DPH6: variants seen among roughly 807,000 people sequenced by gnomAD.
DPH6 encodes the protein diphthamine biosynthesis 6.
In DPH6, 33 loss-of-function variants were observed where a neutral mutation model predicts 38.2. That is an observed-to-expected ratio of 0.86 (90% CI 0.65 to 1.15). The LOEUF (loss-of-function observed/expected upper bound fraction) is 1.15, where lower values mean the gene tolerates loss of function less well. DPH6 is among the 50% of genes most tolerant of loss of function. The pLI is 0.00. For synonymous variants in DPH6, 108 were observed against 103.0 expected (o/e 1.05, Z -0.30); for missense variants, 325 against 320.0 (o/e 1.02, Z -0.12).
chr15:35,222,872 C>A (rs1338737498), intron 3 of DPH6, among the ~76,000 whole-genome samples: 1 of 152,008 alleles, frequency 6.6e-6, no homozygotes, highest in African/African-American at 2.4e-5. Flanking sequence ...TCCTTGTGGG[C>A]AAATTGTGAG....
chr15:35,409,066 A>G (rs11073093), intron 6 of DPH6, among the ~76,000 whole-genome samples: 148,607 of 151,932 alleles, frequency 0.98, 72,763 homozygotes, highest in East Asian at 1. Context: ...CTCTGAGAAG[A>G]CAGGTGTGAA....
chr15:35,204,838 C>T, the DPH6 span, among the ~76,000 whole-genome samples: 16 of 151,872 alleles, frequency 1.1e-4, no homozygotes, highest in Non-Finnish European at 1.6e-4. Flanking sequence ...GAGTTGCCTG[C>T]GAGGAAGTTT....
intron 3 of DPH6, among the ~76,000 whole-genome samples, chr15:35,536,030 T>C (rs1225901894): frequency 6.6e-6 from 1 of 152,086 alleles, no homozygotes; most frequent in East Asian, 1.9e-4. Context: ...TAAATGTTTA[T>C]AGTGAAAATA....
rs1595522754 is a variant in DPH6, at chr15:35,389,638, GT to G, written c.568-7723del. On this transcript the variant is annotated intron_variant, in intron 6 of 8. Coordinates refer to ENST00000256538, the MANE Select transcript of DPH6 (RefSeq NM_080650.4). The stretch of plus-strand genomic sequence containing the variant: ...TTCGATCTTTGTTGGTTTAAAGTCT[GT>G]TTTATCAGAGACTAGGATTGCAATC... Among the ~76,000 whole-genome samples the G allele has an allele frequency of 3.3e-5, 5 of 152,298 alleles. No homozygotes were observed. The East Asian group carries it at 9.6e-4, about 29-fold the overall frequency.
chr15:35,338,341 A>C (rs1254729507), intron 3 of DPH6, among the ~76,000 whole-genome samples: 5 of 152,208 alleles, frequency 3.3e-5, no homozygotes, highest in Admixed American at 3.3e-4. Flanking sequence ...ACAAGAAAAA[A>C]ACAAACAACC....
chr15:35,337,113 A>G (rs1430115317), intron 3 of DPH6, among the ~76,000 whole-genome samples: 2 of 152,132 alleles, frequency 1.3e-5, no homozygotes, highest in Non-Finnish European at 2.9e-5. Context: ...GATTAATGCC[A>G]CAATTTCAGA....
intron 8 of DPH6, among the ~76,000 whole-genome samples, chr15:35,372,979 C>T (rs1439236842): frequency 6.6e-6 from 1 of 151,990 alleles, no homozygotes; most frequent in Non-Finnish European, 1.5e-5. Context: ...TAATCCAGAA[C>T]TTTATTCCAC....
Position 35,393,760 on chromosome 15 carries a change from T to C in DPH6, c.568-11844A>G, listed in dbSNP as rs566319763. On this transcript the variant is annotated intron_variant, in intron 6 of 8. Transcript: ENST00000256538. ...CCTGCTTCTGCTGTTTTCTCGAATG[T>C]CAAGGTGGCATAGTTTGGGGTAGTG... 4.6e-5 allele frequency among the ~76,000 whole-genome samples: 7 copies of C among 152,286 alleles called. No individual in the cohort carries two copies. In the East Asian group the frequency reaches 1.4e-3, roughly 29 times the overall value.
intron 2 of DPH6, 120 bp downstream of exon 2, chr15:35,542,292 TG>T (rs2055264058): frequency 2.6e-6 from 2 of 757,440 alleles, no homozygotes; most frequent in Admixed American, 2.4e-5. Context: ...TAGCATCTAA[TG>T]GGTGCTTAAT....
chr15:35,290,330 A>G lies in DPH6; in HGVS notation n.201-69748T>C, dbSNP rs1425580106. ...AGAGGAATATGACGATGTGAACATC[A>G]TTTCTGCAAAGGCACTGGGCACACC... On this transcript the variant is annotated intron_variant and non_coding_transcript_variant, in intron 3 of 3. Transcript: ENST00000560386. Among the ~76,000 whole-genome samples, 4 of 152,202 alleles carry G rather than the reference A, an allele frequency of 2.6e-5. No homozygotes were observed. In the East Asian group the frequency reaches 7.7e-4, roughly 29 times the overall value.
chr15:35,401,290 G>C lies in DPH6; in HGVS notation c.567+9545C>G. 3.4e-6 allele frequency: 3 copies of C among 883,414 alleles called. No homozygotes were observed. In the Admixed American group the frequency reaches 5.1e-5, roughly 15 times the overall value. 54.7% of individuals were successfully genotyped at this position (883,414 alleles called of 1,614,324 possible). A position where few individuals can be genotyped will look rare whatever the true frequency, so the allele number is the denominator to read the frequency against. On this transcript the variant is annotated intron_variant, in intron 6 of 8. Coordinates refer to ENST00000256538, the MANE Select transcript of DPH6 (RefSeq NM_080650.4). ...TTGTGGAGACAGTTTCGGTGGGAAT[G>C]ACAACTTTGGTAGTGGAGGAAACTT... is the stretch of plus-strand genomic sequence containing the variant.
intron 3 of DPH6, among the ~76,000 whole-genome samples, chr15:35,458,263 C>G (rs997959517): frequency 2.0e-5 from 3 of 152,062 alleles, no homozygotes; most frequent in African/African-American, 7.2e-5. Context: ...CTAACTCTTT[C>G]ATTTTGATGG....
chr15:35,375,142 C>A (rs2052763431), intron 7 of DPH6, among the ~76,000 whole-genome samples: 1 of 151,960 alleles, frequency 6.6e-6, no homozygotes. Flanking sequence ...CTAATACTAT[C>A]TCAGTAGAAA....
At chr15:35,469,886 G>A (rs2054176031) in intron 3 of DPH6, among the ~76,000 whole-genome samples, 1 of 152,082 alleles carries the variant, frequency 6.6e-6, no homozygotes, top group South Asian at 2.1e-4. Context: ...AGTGGGCAGG[G>A]AAAGAAGAGT....
intron 3 of DPH6, among the ~76,000 whole-genome samples, chr15:35,467,764 C>T (rs374904107): frequency 3.3e-5 from 5 of 151,864 alleles, no homozygotes; most frequent in East Asian, 3.9e-4. Flanking sequence ...TTGGAGGGAC[C>T]GGCCTGAGGC....
At chr15:35,168,969 G>C in the DPH6 span, among the ~76,000 whole-genome samples, 54 of 152,152 alleles carry the variant, frequency 3.5e-4, no homozygotes, top group Admixed American at 9.2e-4. Flanking sequence ...CAGGCTAAGT[G>C]CAGGAAAAAT....
chr15:35,214,126 A>G (rs1461524959), downstream of DPH6, among the ~76,000 whole-genome samples: 1 of 150,574 alleles, frequency 6.6e-6, no homozygotes, highest in Admixed American at 6.6e-5. Context: ...AAAAAAAAAA[A>G]AGGCTTAAAG....
chr15:35,302,780 A>G (rs986031021), intron 3 of DPH6, among the ~76,000 whole-genome samples: 2 of 152,132 alleles, frequency 1.3e-5, no homozygotes, highest in Admixed American at 6.5e-5. Flanking sequence ...CAAATTCACA[A>G]TGAAGACGAT....
At chr15:35,322,949 T>TA (rs201537982) in intron 3 of DPH6, among the ~76,000 whole-genome samples, 5 of 150,444 alleles carry the variant, frequency 3.3e-5, no homozygotes, top group Middle Eastern at 3.4e-3. Flanking sequence ...ATTGAAGGAA[T>TA]AAAAAAAAAG....
Sources: allele counts gnomAD v4.1 joint callset (sites outside exome capture counted in the v4.1 genomes callset), GRCh38; gene constraint gnomAD v4.1.1; transcripts MANE v1.5; gene names NCBI Gene and HGNC (gene_info 2026-07-23, HGNC 2026-07-21).